Variants in OSBPL3 observed in about 807,000 individuals in gnomAD.
The protein encoded by OSBPL3 is oxysterol-binding protein-related protein 3.
A neutral mutation model predicts 120.1 loss-of-function variants in OSBPL3; 65 were observed. The observed-to-expected ratio is 0.54, with a 90% CI of 0.44 to 0.67. OSBPL3 has a LOEUF of 0.67. Among genes scored for constraint, OSBPL3 ranks in the 30% least tolerant of loss-of-function variants. The pLI, the probability that OSBPL3 is intolerant of heterozygous loss-of-function variation, is 0.00. For missense variants in OSBPL3, 1,004 were observed against 1,082.1 expected (o/e 0.93, Z 1.01); for synonymous variants, 416 against 402.6 (o/e 1.03, Z -0.40).
chr7:24,924,707 G>C (rs1810828380), intron 1 of OSBPL3, among the ~76,000 whole-genome samples: 1 of 151,318 alleles, frequency 6.6e-6, no homozygotes, highest in Non-Finnish European at 1.5e-5. Context: ...GGGTGACACT[G>C]ATTATCTCCA....
intron 2 of OSBPL3, among the ~76,000 whole-genome samples, chr7:24,889,487 A>C (rs909352754): frequency 2.0e-5 from 3 of 152,246 alleles, no homozygotes; most frequent in Non-Finnish European, 1.5e-5. Flanking sequence ...GGTGATGGGT[A>C]TATTAGCTTG....
intron 1 of OSBPL3, among the ~76,000 whole-genome samples, chr7:24,917,446 T>TATTTGTAACATATATATATATAC (rs1366145573): frequency 8.2e-6 from 1 of 122,228 alleles, no homozygotes; most frequent in African/African-American, 3.1e-5. Flanking sequence ...TATATATATA[T>TATTTGTAACATATATATATATAC]ACACACACAT....
Position 24,940,000 on chromosome 7 carries a change from A to G in OSBPL3, c.-150+39886T>C, listed in dbSNP as rs1230429591. Among the ~76,000 whole-genome samples the G allele has an allele frequency of 6.6e-6, 1 of 152,194 alleles. No homozygotes were observed. The highest frequency in any genetic ancestry group is 6.5e-5 in the Admixed American group (1 of 15,282). Reference sequence around the variant, plus strand: ...CACATGTATCCCAGAACTAAAAGAAAGAAAGAAAAATAAATACATAAATAA... The same window carrying G: ...CACATGTATCCCAGAACTAAAAGAAGGAAAGAAAAATAAATACATAAATAA... On this transcript the variant is annotated intron_variant, in intron 1 of 22. Transcript: ENST00000313367. This position sits in a 1 kb window ranked among gnomAD's most constrained non-coding sequence, Gnocchi z 4.2.
chr7:24,878,018 G>A (rs1428546010), intron 2 of OSBPL3, among the ~76,000 whole-genome samples: 1 of 152,190 alleles, frequency 6.6e-6, no homozygotes, highest in African/African-American at 2.4e-5. Flanking sequence ...AGACAGTCTG[G>A]TGCTGTCATC....
chr7:24,900,855 C>A lies in OSBPL3; in HGVS notation c.-149-8234G>T, dbSNP rs540020001. 6.6e-6 allele frequency among the ~76,000 whole-genome samples: 1 copy of A among 152,040 alleles called. No individual in the cohort carries two copies. Among genetic ancestry groups the A allele is most frequent in the African/African-American group, 2.4e-5 (1 of 41,392 alleles). ...GTAAGTGCGGATTTTGCCATTGGCA[C>A]GAACCTAATACAAAAATTAGCTAGG... On this transcript the variant is annotated intron_variant, in intron 1 of 22. Transcript: ENST00000313367. This position sits in a 1 kb window ranked among gnomAD's most constrained non-coding sequence, Gnocchi z 4.5.
At chr7:24,843,398 C>A (rs950032723) in intron 12 of OSBPL3, among the ~76,000 whole-genome samples, 2 of 152,034 alleles carry the variant, frequency 1.3e-5, no homozygotes, top group African/African-American at 4.8e-5. Flanking sequence ...GTAGTAAAAC[C>A]ACTCGTATTT....
At position 24,822,920 on chromosome 7, in the gene OSBPL3, G is replaced by C. The variant is rs1795283778; in HGVS notation, c.1885-2682C>G. ...AATAAGTCTCAACCTTCAAATATCA[G>C]TAACTTTGCTTATTTCTTTATGGCT... On this transcript the variant is annotated intron_variant, in intron 16 of 22. Transcript: ENST00000313367. This position sits in a 1 kb window ranked among gnomAD's most constrained non-coding sequence, Gnocchi z 5.8. Among the ~76,000 whole-genome samples, 1 of 152,148 alleles carries C rather than the reference G, an allele frequency of 6.6e-6. No homozygotes were observed. Among genetic ancestry groups the C allele is most frequent in the South Asian group, 2.1e-4 (1 of 4,828 alleles).
At position 24,815,600 on chromosome 7, in the gene OSBPL3, T is replaced by C. The variant is rs1794370867; in HGVS notation, c.2028-397A>G. Among the ~76,000 whole-genome samples, 2 of 152,214 alleles carry C rather than the reference T, an allele frequency of 1.3e-5. No individual in the cohort carries two copies. The highest frequency in any genetic ancestry group is 2.9e-5 in the Non-Finnish European group (2 of 68,026). On this transcript the variant is annotated intron_variant, in intron 18 of 22. Coordinates refer to ENST00000313367, the MANE Select transcript of OSBPL3 (RefSeq NM_015550.4). The surrounding 1 kb of genome is among the most constrained non-coding windows in gnomAD (Gnocchi z 5.1). ...TTTTATACAATCTGCTAAACATACA[T>C]TGCCTGCATCCTTTGTGATGAGAAA...
At position 24,937,198 on chromosome 7, in the gene OSBPL3, T is replaced by C. The variant is rs527790972; in HGVS notation, c.-150+42688A>G. On this transcript the variant is annotated intron_variant, in intron 1 of 22. Transcript: ENST00000313367. The surrounding 1 kb of genome is among the most constrained non-coding windows in gnomAD (Gnocchi z 4.0). ...CCTTATATTATAAAACCATCAGATG[T>C]AGTGAGAACTAACTTATTATCATGA... is the stretch of plus-strand genomic sequence containing the variant. Among the ~76,000 whole-genome samples the C allele has an allele frequency of 6.6e-6, 1 of 152,276 alleles. No homozygotes were observed. Among genetic ancestry groups the C allele is most frequent in the African/African-American group, 2.4e-5 (1 of 41,554 alleles).
In OSBPL3 at chr7:24,803,982, G is replaced by A. The variant is rs1450996986; in HGVS notation, c.2567+333C>T. 6.6e-6 allele frequency among the ~76,000 whole-genome samples: 1 copy of A among 152,124 alleles called. No homozygotes were observed. The highest frequency in any genetic ancestry group is 1.5e-5 in the Non-Finnish European group (1 of 68,024). On this transcript the variant is annotated intron_variant, in intron 22 of 22. Transcript: ENST00000313367. This position sits in a 1 kb window ranked among gnomAD's most constrained non-coding sequence, Gnocchi z 4.2. ...ATGGGGGTGACCAACCTTAGCTGTG[G>A]ATTTAATAAGCTGGCCTGGTGCTGG...
At position 24,849,391 on chromosome 7, in the gene OSBPL3, T is replaced by G. The variant is rs1239974336; in HGVS notation, c.1159-215A>C. 1 of 364,612 alleles carries G rather than the reference T, an allele frequency of 2.7e-6. No homozygotes were observed. Among genetic ancestry groups the G allele is most frequent in the Admixed American group, 4.4e-5 (1 of 22,670 alleles). The allele number at this position is 364,612 out of a possible 1,614,324, so 22.6% of individuals were successfully genotyped here. A position where few individuals can be genotyped will look rare whatever the true frequency, so the allele number is the denominator to read the frequency against. On this transcript the variant is annotated intron_variant, in intron 11 of 22. Transcript: ENST00000313367. The surrounding 1 kb of genome is among the most constrained non-coding windows in gnomAD (Gnocchi z 5.4). ...TGACAAACCTGGGCTCTGGAAATGA[T>G]GCTCTTTTTCTTTTCTCATTCCAGA...
Position 24,806,990 on chromosome 7 carries a change from T to A in OSBPL3, c.2318-88A>T. The A allele has an allele frequency of 8.1e-7, 1 of 1,233,634 alleles. No individual in the cohort carries two copies. Among genetic ancestry groups the A allele is most frequent in the Non-Finnish European group, 1.1e-6 (1 of 893,180 alleles). 76.4% of individuals were successfully genotyped at this position (1,233,634 alleles called of 1,614,324 possible). On this transcript the variant is annotated intron_variant, in intron 20 of 22. Coordinates refer to ENST00000313367, the MANE Select transcript of OSBPL3 (RefSeq NM_015550.4). This position sits in a 1 kb window ranked among gnomAD's most constrained non-coding sequence, Gnocchi z 5.2. ...TTCACCTTTTTCGTCTCAGCCTAGCTACAATTTTTCTCTCTCAGCTCCCTT... is the reference window on the plus strand; with the variant it reads ...TTCACCTTTTTCGTCTCAGCCTAGCAACAATTTTTCTCTCTCAGCTCCCTT...
In OSBPL3 at chr7:24,908,254, C is replaced by A. The variant is rs12671847; in HGVS notation, c.-149-15633G>T. 2.0e-5 allele frequency among the ~76,000 whole-genome samples: 3 copies of A among 152,284 alleles called. No homozygotes were observed. The East Asian group carries it at 5.8e-4, about 29-fold the overall frequency. ...CAGAAAGAAACCCAGAGCTATCATT[C>A]TCTGCATTATTTTTTCAGTCTTCTT... On this transcript the variant is annotated intron_variant, in intron 1 of 22. Transcript: ENST00000313367.
At chr7:24,902,701 AAATAATAATAATAAT>A (rs70942894) in intron 1 of OSBPL3, among the ~76,000 whole-genome samples, 6 of 144,030 alleles carry the variant, frequency 4.2e-5, no homozygotes, top group Admixed American at 2.8e-4. Flanking sequence ...AAGAGAAAAT[AAATAATAATAATAAT>A]AATAATAATA....
intron 1 of OSBPL3, among the ~76,000 whole-genome samples, chr7:24,901,183 C>T (rs759310947): frequency 1.3e-4 from 20 of 151,948 alleles, no homozygotes; most frequent in Non-Finnish European, 2.8e-4. Flanking sequence ...AAACATTAGC[C>T]GGGCACAGTG....
chr7:24,950,366 T>G (rs147585265), intron 1 of OSBPL3, among the ~76,000 whole-genome samples: 30 of 152,284 alleles, frequency 2.0e-4, no homozygotes, highest in Admixed American at 5.9e-4. Flanking sequence ...CCAAGAAATA[T>G]AGAAAGAGTT....
Position 24,955,758 on chromosome 7 carries a change from A to C in OSBPL3, c.-150+24128T>G, listed in dbSNP as rs1814971139. Among the ~76,000 whole-genome samples the C allele has an allele frequency of 6.6e-6, 1 of 152,160 alleles. No individual in the cohort carries two copies. The highest frequency in any genetic ancestry group is 1.5e-5 in the Non-Finnish European group (1 of 68,018). ...TAATGCAAACTCCATGAGGGCAGGG[A>C]CTTTGTTTGTTGTTGTATCCCCTGG... On this transcript the variant is annotated intron_variant, in intron 1 of 22. Transcript: ENST00000313367. This position sits in a 1 kb window ranked among gnomAD's most constrained non-coding sequence, Gnocchi z 4.3.
rs1196710667 is a variant in OSBPL3 at position 24,872,766 on chromosome 7, A to G, written c.97-697T>C. 6.6e-6 allele frequency among the ~76,000 whole-genome samples: 1 copy of G among 152,104 alleles called. No homozygotes were observed. The highest frequency in any genetic ancestry group is 6.5e-5 in the Admixed American group (1 of 15,274). On this transcript the variant is annotated intron_variant, in intron 2 of 22. Coordinates refer to ENST00000313367, the MANE Select transcript of OSBPL3 (RefSeq NM_015550.4). This position sits in a 1 kb window ranked among gnomAD's most constrained non-coding sequence, Gnocchi z 4.1. ...AAATAGTTGTTACAACTAATCTTCC[A>G]CTATTGGCTATTTAGGTTATTTCAA...
chr7:24,824,872 G>C lies in OSBPL3; in HGVS notation c.1885-4634C>G, dbSNP rs1029082860. On this transcript the variant is annotated intron_variant, in intron 16 of 22. Transcript: ENST00000313367. The surrounding 1 kb of genome is among the most constrained non-coding windows in gnomAD (Gnocchi z 4.9). Reference sequence around the variant, plus strand: ...AACCTGTGGGGCTGAGAGAAGTTCGGAAGTTAACCATGCAGATATCTGAGA... The same window carrying C: ...AACCTGTGGGGCTGAGAGAAGTTCGCAAGTTAACCATGCAGATATCTGAGA... Among the ~76,000 whole-genome samples, 5 of 152,192 alleles carry C rather than the reference G, an allele frequency of 3.3e-5. No individual in the cohort carries two copies. The highest frequency in any genetic ancestry group is 9.7e-5 in the African/African-American group (4 of 41,430).
Sources: allele counts gnomAD v4.1 joint callset (sites outside exome capture counted in the v4.1 genomes callset), GRCh38; gene constraint gnomAD v4.1.1; non-coding constraint Gnocchi (gnomAD v3.1); transcripts MANE v1.5; gene names NCBI Gene and HGNC (gene_info 2026-07-23, HGNC 2026-07-21).